The following FUT8 variants were observed in gnomAD, a reference collection of about 807,000 sequenced individuals.
FUT8 encodes fucosyltransferase 8.
FUT8 carries 29 observed loss-of-function variants against 71.3 expected under a neutral mutation model. The ratio of observed to expected loss-of-function variants is 0.41; its 90% CI spans 0.30 to 0.55. FUT8 has a LOEUF of 0.55. Ranked by LOEUF, FUT8 falls within the 20% of genes least tolerant of loss-of-function variation. The pLI is 0.34. For synonymous variants in FUT8, 254 were observed against 239.3 expected, an observed-to-expected ratio of 1.06 and a Z score of -0.57; for missense variants, 544 against 702.1, an observed-to-expected ratio of 0.77 and a Z score of 2.55.
intron 7 of FUT8, among the ~76,000 whole-genome samples, chr14:65,676,320 A>G (rs1892715846): frequency 6.6e-6 from 1 of 152,194 alleles, no homozygotes; most frequent in South Asian, 2.1e-4. Flanking sequence ...CCTAAAGTCT[A>G]TTTAGGACCT....
At chr14:65,498,620 A>G (rs1417510312) in intron 2 of FUT8, among the ~76,000 whole-genome samples, 2 of 152,222 alleles carry the variant, frequency 1.3e-5, no homozygotes, top group Non-Finnish European at 2.9e-5. Context: ...ATCTGCCAGT[A>G]CAACAATGTT....
At chr14:65,567,482 AGTTG>A (rs1886255624) in intron 3 of FUT8, among the ~76,000 whole-genome samples, 2 of 151,872 alleles carry the variant, frequency 1.3e-5, no homozygotes, top group Non-Finnish European at 2.9e-5. Flanking sequence ...CCTTTGTTCT[AGTTG>A]GTTGGTTGGA....
At chr14:65,680,130 C>T (rs950396420) in intron 7 of FUT8, among the ~76,000 whole-genome samples, 38 of 152,262 alleles carry the variant, frequency 2.5e-4, no homozygotes, top group Admixed American at 1.4e-3. Context: ...AGAAGTTCCA[C>T]GATCTGCCAT....
intron 2 of FUT8, among the ~76,000 whole-genome samples, chr14:65,554,220 G>A (rs1885453521): frequency 6.6e-6 from 1 of 151,644 alleles, no homozygotes; most frequent in Non-Finnish European, 1.5e-5. Context: ...TTCTGATATA[G>A]TCCATTTAGC....
chr14:65,568,414 G>T (rs1886309458), intron 3 of FUT8, among the ~76,000 whole-genome samples: 1 of 150,672 alleles, frequency 6.6e-6, no homozygotes, highest in Non-Finnish European at 1.5e-5. Context: ...TTATGTCCTG[G>T]AAAGCCTTAA....
intron 6 of FUT8, among the ~76,000 whole-genome samples, chr14:65,634,577 A>AAAAAG (rs1566866042): frequency 2.0e-5 from 3 of 150,696 alleles, no homozygotes; most frequent in African/African-American, 7.3e-5. Flanking sequence ...AAAAAAAAAA[A>AAAAAG]AAAAGAAAAG....
intron 7 of FUT8, among the ~76,000 whole-genome samples, chr14:65,692,563 C>T (rs1462769886): frequency 3.0e-4 from 44 of 147,672 alleles, no homozygotes; most frequent in Non-Finnish European, 6.0e-4. Context: ...GGGGCTGACC[C>T]CCCGCACCTC....
At chr14:65,437,221 A>T (rs1255882147) in intron 1 of FUT8, among the ~76,000 whole-genome samples, 1 of 152,250 alleles carries the variant, frequency 6.6e-6, no homozygotes, top group Non-Finnish European at 1.5e-5. Flanking sequence ...AGTACTGATT[A>T]GCCACAGCTT....
intron 2 of FUT8, among the ~76,000 whole-genome samples, chr14:65,503,139 T>C (rs563428828): frequency 6.6e-6 from 1 of 152,340 alleles, no homozygotes; most frequent in East Asian, 1.9e-4. Context: ...GAGAAATATA[T>C]GCTTCTGAAT....
intron 7 of FUT8, among the ~76,000 whole-genome samples, chr14:65,697,023 C>A (rs1247569957): frequency 6.6e-6 from 1 of 152,140 alleles, no homozygotes; most frequent in African/African-American, 2.4e-5. Context: ...CTGTTACTTG[C>A]AAACTCTCTG....
At chr14:65,451,934 C>T (rs12885842) in intron 1 of FUT8, among the ~76,000 whole-genome samples, 98,907 of 151,968 alleles carry the variant, frequency 0.65, 32,462 homozygotes, top group East Asian at 0.86. Context: ...AGCCAGAAAA[C>T]GGAGATATAA....
At chr14:65,372,109 C>T in the FUT8 span, among the ~76,000 whole-genome samples, 1 of 152,092 alleles carries the variant, frequency 6.6e-6, no homozygotes, top group Non-Finnish European at 1.5e-5. Context: ...AATTTATTTA[C>T]ATATTTGATC....
At chr14:65,478,605 G>A (rs1225616117) in intron 2 of FUT8, among the ~76,000 whole-genome samples, 2 of 152,012 alleles carry the variant, frequency 1.3e-5, no homozygotes, top group Non-Finnish European at 2.9e-5. Context: ...TTTTTAGTTG[G>A]GAGGCTACTA....
rs186347862 is a variant in FUT8 at position 65,691,370 on chromosome 14, T to C, written c.835+21890T>C. The stretch of plus-strand genomic sequence containing the variant: ...GAAGGTATCAAGTTTCTCACCATTA[T>C]GCAGTTTGCTAGCTGTAGGCTGTTT... On this transcript the variant is annotated intron_variant, in intron 7 of 10. Coordinates refer to ENST00000673929, the MANE Select transcript of FUT8 (RefSeq NM_001371533.1). Among the ~76,000 whole-genome samples the C allele has an allele frequency of 2.1e-3, 312 of 151,372 alleles. 13 individuals carry two copies. The Middle Eastern group carries it at 0.048, about 23-fold the overall frequency.
rs1882184384 is a variant in FUT8 at position 65,509,394 on chromosome 14, G to T, written c.-227-51943G>T. Among the ~76,000 whole-genome samples, 3 of 151,852 alleles carry T rather than the reference G, an allele frequency of 2.0e-5. No individual in the cohort carries two copies. In the South Asian group the frequency reaches 6.3e-4, roughly 32 times the overall value. On this transcript the variant is annotated intron_variant, in intron 2 of 10. Transcript: ENST00000673929. ...GTTCTTTCTGCTTAGGATGGCTTTG[G>T]TTATTCTGAGTCTTTTGTGGTTCCC...
chr14:65,722,854 T>TA (rs1057033394), intron 8 of FUT8, among the ~76,000 whole-genome samples: 3 of 152,184 alleles, frequency 2.0e-5, no homozygotes, highest in East Asian at 1.9e-4. Flanking sequence ...AGATTCATAA[T>TA]AAAAAACTGG....
intron 2 of FUT8, among the ~76,000 whole-genome samples, chr14:65,536,840 G>A (rs963741946): frequency 6.6e-6 from 1 of 152,124 alleles, no homozygotes; most frequent in Non-Finnish European, 1.5e-5. Context: ...CCTGAAAAGT[G>A]TTTTCCAGGT....
chr14:65,479,348 T>C (rs527981251), intron 2 of FUT8, among the ~76,000 whole-genome samples: 9 of 152,252 alleles, frequency 5.9e-5, no homozygotes, highest in Non-Finnish European at 1.0e-4. Context: ...TGTTGATTCA[T>C]AGAAACAAAT....
At chr14:65,401,719 G>A in the FUT8 span, among the ~76,000 whole-genome samples, 6 of 152,030 alleles carry the variant, frequency 3.9e-5, no homozygotes, top group African/African-American at 1.4e-4. Context: ...CCAACATGAT[G>A]AAACCCCATC....
Sources: gnomAD v4.1 joint callset for allele counts (sites outside exome capture counted in the v4.1 genomes callset) on GRCh38, gnomAD v4.1.1 for gene constraint, MANE v1.5 for transcripts, NCBI Gene and HGNC (gene_info 2026-07-23, HGNC 2026-07-21) for gene names.